Variants in PLA2R1 observed in about 807,000 individuals in gnomAD.
PLA2R1 encodes phospholipase A2 receptor 1.
PLA2R1 carries 158 observed loss-of-function variants against 195.9 expected under a neutral mutation model. The observed-to-expected ratio is 0.81, with a 90% CI of 0.71 to 0.92. The LOEUF (loss-of-function observed/expected upper bound fraction) is 0.92, where lower values mean the gene tolerates loss of function less well. Ranked by LOEUF, PLA2R1 falls within the 40% of genes least tolerant of loss-of-function variation. PLA2R1 has a pLI of 0.00. For synonymous variants in PLA2R1, 586 were observed against 598.2 expected, an observed-to-expected ratio of 0.98 and a Z score of 0.30; for missense variants, 1,626 against 1,764.6, an observed-to-expected ratio of 0.92 and a Z score of 1.41.
At chr2:160,012,668 T>C (rs1692444416) in intron 10 of PLA2R1, among the ~76,000 whole-genome samples, 2 of 152,170 alleles carry the variant, frequency 1.3e-5, no homozygotes, top group African/African-American at 4.8e-5. Flanking sequence ...ATCCCGGCAC[T>C]TTGGGAGGCT....
downstream of PLA2R1, among the ~76,000 whole-genome samples, chr2:159,930,100 A>C (rs1237613704): frequency 2.0e-5 from 3 of 152,070 alleles, no homozygotes; most frequent in African/African-American, 7.2e-5. Flanking sequence ...TGGGAGAGAG[A>C]TGAGGGATAA....
intron 11 of PLA2R1, among the ~76,000 whole-genome samples, chr2:159,993,616 T>C (rs567633549): frequency 6.6e-6 from 1 of 151,920 alleles, no homozygotes; most frequent in Non-Finnish European, 1.5e-5. Flanking sequence ...CAATGGATGC[T>C]TCTAGGTCTG....
chr2:160,004,178 A>C (rs1163862947), intron 11 of PLA2R1, among the ~76,000 whole-genome samples: 1 of 152,226 alleles, frequency 6.6e-6, no homozygotes, highest in African/African-American at 2.4e-5. Flanking sequence ...CTATAATTAG[A>C]GCATCTACAT....
intron 13 of PLA2R1, among the ~76,000 whole-genome samples, chr2:159,983,595 G>A (rs931574863): frequency 2.0e-5 from 3 of 151,932 alleles, no homozygotes; most frequent in African/African-American, 7.3e-5. Flanking sequence ...CATACTCCTG[G>A]GGTTCCAGGA....
At chr2:159,998,474 T>C (rs1473468092) in intron 11 of PLA2R1, among the ~76,000 whole-genome samples, 1 of 152,168 alleles carries the variant, frequency 6.6e-6, no homozygotes, top group African/African-American at 2.4e-5. Flanking sequence ...GCATATGTTA[T>C]CCTGCAGTGC....
intron 20 of PLA2R1, among the ~76,000 whole-genome samples, chr2:159,964,892 T>G (rs967240060): frequency 6.6e-6 from 1 of 152,030 alleles, no homozygotes; most frequent in Non-Finnish European, 1.5e-5. Context: ...TCAGGCGTGG[T>G]GGCAGGCACC....
Position 159,937,452 on chromosome 2 carries a change from T to G in PLA2R1, c.*4326A>C, listed in dbSNP as rs753916100. ...CTTAATGGGTAAAGTCAATCCTTGT[T>G]GTCAAACCAATGAGCCAAATAAAAA... On this transcript the variant is annotated 3_prime_UTR_variant, in exon 30 of 30. Transcript: ENST00000283243. The G allele has an allele frequency of 6.6e-6, 1 of 152,240 alleles. No homozygotes were observed. Among genetic ancestry groups the G allele is most frequent in the Non-Finnish European group, 1.5e-5 (1 of 68,036 alleles). 9.4% of individuals were successfully genotyped at this position (152,240 alleles called of 1,614,324 possible).
intron 10 of PLA2R1, among the ~76,000 whole-genome samples, chr2:160,007,623 G>A (rs1692087372): frequency 6.6e-6 from 1 of 152,092 alleles, no homozygotes; most frequent in Non-Finnish European, 1.5e-5. Flanking sequence ...TTACAATAGT[G>A]CCCCCAAAAT....
At chr2:160,062,249 C>A in intron 1 of PLA2R1, 46 bp downstream of exon 1, 1 of 1,271,872 alleles carries the variant, frequency 7.9e-7, no homozygotes, top group Non-Finnish European at 1.0e-6. Context: ...CACCCCGACC[C>A]CCCTCCCCAA....
At chr2:159,985,086 A>T (rs1488930326) in intron 12 of PLA2R1, among the ~76,000 whole-genome samples, 1 of 152,232 alleles carries the variant, frequency 6.6e-6, no homozygotes, top group African/African-American at 2.4e-5. Flanking sequence ...ATAGTAGAAA[A>T]GGCACCAGAC....
intron 11 of PLA2R1, among the ~76,000 whole-genome samples, chr2:160,004,777 T>C (rs929343745): frequency 1.3e-5 from 2 of 152,100 alleles, no homozygotes; most frequent in African/African-American, 4.8e-5. Context: ...CAGAGACTGG[T>C]TCTAGTGTAG....
At chr2:159,949,239 C>T (rs914487744) in intron 25 of PLA2R1, among the ~76,000 whole-genome samples, 25 of 152,094 alleles carry the variant, frequency 1.6e-4, no homozygotes, top group African/African-American at 5.1e-4. Context: ...TTACGTAAGC[C>T]TCGTCCTGTC....
Position 160,013,333 on chromosome 2 carries a change from CTG to C in PLA2R1, c.1592_1593del (p.Thr531SerfsTer6). 1 of 1,611,062 alleles carries C rather than the reference CTG, an allele frequency of 6.2e-7. No homozygotes were observed. The highest frequency in any genetic ancestry group is 1.7e-4 in the Middle Eastern group (1 of 6,056). The stretch of plus-strand genomic sequence containing the variant: ...GAAGCTTGGTCAAAGCTTCGAAGGA[CTG>C]TGTCAATTTTGTAACAGAATCCACC... ...RHGGFCYKIDTVLRSFDQASS... is the reference protein window; with the variant it reads ...RHGGFCYKIDXVLRSFDQASS... On this transcript the variant is annotated frameshift_variant, in exon 10 of 30. Transcript: ENST00000283243. LOFTEE classifies it high-confidence loss of function.
chr2:160,035,655 T>C (rs1174300250), intron 3 of PLA2R1, among the ~76,000 whole-genome samples: 3 of 152,186 alleles, frequency 2.0e-5, no homozygotes, highest in Non-Finnish European at 4.4e-5. Context: ...GAGTCTCCTA[T>C]TATGTGATGA....
Position 160,062,421 on chromosome 2 carries a change from T to C in PLA2R1, c.-18A>G. Reference sequence around the variant, plus strand: ...AGCAGCATCGCTAACCACTGGGCTCTCCGGGAGCCCCTTGTCCCGGGAGCC... The same window carrying C: ...AGCAGCATCGCTAACCACTGGGCTCCCCGGGAGCCCCTTGTCCCGGGAGCC... On this transcript the variant is annotated 5_prime_UTR_variant, in exon 1 of 30. Transcript: ENST00000283243. The C allele has an allele frequency of 6.5e-7, 1 of 1,530,800 alleles. No individual in the cohort carries two copies. Among genetic ancestry groups the C allele is most frequent in the East Asian group, 2.6e-5 (1 of 38,116 alleles). 94.8% of individuals were successfully genotyped at this position (1,530,800 alleles called of 1,614,324 possible).
intron 19 of PLA2R1, among the ~76,000 whole-genome samples, chr2:159,968,028 A>G (rs1688899789): frequency 1.3e-5 from 2 of 152,178 alleles, no homozygotes; most frequent in Non-Finnish European, 1.5e-5. Flanking sequence ...TTCAATTTCA[A>G]TGTACAGAGA....
chr2:159,993,640 T>A lies in PLA2R1; in HGVS notation c.1835-6282A>T, dbSNP rs1014880219. Among the ~76,000 whole-genome samples, 4 of 152,010 alleles carry A rather than the reference T, an allele frequency of 2.6e-5. No homozygotes were observed. The East Asian group carries it at 7.7e-4, about 29-fold the overall frequency. On this transcript the variant is annotated intron_variant, in intron 11 of 29. Coordinates refer to ENST00000283243, the MANE Select transcript of PLA2R1 (RefSeq NM_007366.5). ...CTTCTAGGTCTGCAGCAGAAATTTA[T>A]ATCTTGTCATACCAGATAGCAAGGA...
Position 159,970,209 on chromosome 2 carries a change from A to C in PLA2R1, c.2599T>G (p.Ser867Ala), listed in dbSNP as rs1211628836. ...EFIHSKIKAL[S>A]KYGASWWIGL... ...ATCCACCAACTTGCACCATACTTTG[A>C]TAGCTATTGAAAGAAAAAAAGTCAG... Residue 867 changes from serine (S) to alanine (A), a missense_variant, in exon 18 of 30, where the codon TCA becomes GCA. Physicochemically the swap from Ser to Ala is moderately conservative, Grantham distance 99. Transcript: ENST00000283243. 4 of 1,606,890 alleles carry C rather than the reference A, an allele frequency of 2.5e-6. No homozygotes were observed. In the African/African-American group the frequency reaches 5.4e-5, roughly 22 times the overall value.
intron 9 of PLA2R1, among the ~76,000 whole-genome samples, chr2:160,013,709 C>CTGTG (rs1558927335): frequency 9.8e-4 from 66 of 67,592 alleles, no homozygotes; most frequent in African/African-American, 3.2e-3. Context: ...CTCTGTCTCT[C>CTGTG]TCTCTCTCTC....
Sources: allele counts gnomAD v4.1 joint callset (sites outside exome capture counted in the v4.1 genomes callset), GRCh38; gene constraint gnomAD v4.1.1; transcripts MANE v1.5; gene names NCBI Gene and HGNC (gene_info 2026-07-23, HGNC 2026-07-21).